Variants in GAS2L1 observed in about 807,000 individuals in gnomAD.
GAS2L1 encodes the protein growth arrest specific 2 like 1.
Under a neutral mutation model 44.0 loss-of-function variants are expected in GAS2L1, and 26 were observed. The observed-to-expected ratio is 0.59, with a 90% confidence interval of 0.43 to 0.82. The LOEUF is 0.82. Ranked by LOEUF, GAS2L1 falls within the 40% of genes least tolerant of loss-of-function variation. GAS2L1 has a pLI of 0.00. For missense variants in GAS2L1, 1,006 were observed against 983.0 expected, an observed-to-expected ratio of 1.02 and a Z score of -0.31; for synonymous variants, 426 against 415.9, an observed-to-expected ratio of 1.02 and a Z score of -0.30.
chr22:29,311,889 C>T, exon 5 of GAS2L1: 2 of 1,600,164 alleles, frequency 1.2e-6, no homozygotes, highest in Non-Finnish European at 1.7e-6. Flanking sequence ...TGCCCGCAGC[C>T]CTGCAGCACC....
At chr22:29,310,940 C>T in exon 4 of GAS2L1, 1 of 1,613,756 alleles carries the variant, frequency 6.2e-7, no homozygotes, top group Non-Finnish European at 8.5e-7. Flanking sequence ...GGGCTCCCGG[C>T]CTGAGATGAC....
rs2061419164 is a variant in GAS2L1 at position 29,312,348 on chromosome 22, C to CG, written c.1901dup (p.Arg635SerfsTer9). On this transcript the variant is annotated frameshift_variant, in exon 5 of 5. Transcript: ENST00000618518. LOFTEE classifies it high-confidence loss of function. ...CACTGAACCCTCGAGGACCTGGGCACGGGGTCGGATGGACACACAGCCAGA... is the reference window on the plus strand; with the variant it reads ...CACTGAACCCTCGAGGACCTGGGCACGGGGGTCGGATGGACACACAGCCAGA... The CG allele has an allele frequency of 6.2e-7, 1 of 1,604,420 alleles. No individual in the cohort carries two copies. Among genetic ancestry groups the CG allele is most frequent in the East Asian group, 2.2e-5 (1 of 44,608 alleles).
At chr22:29,312,192 G>A (rs747253789) in exon 5 of GAS2L1, 4 of 1,612,956 alleles carry the variant, frequency 2.5e-6, no homozygotes, top group Admixed American at 3.3e-5. Context: ...TGGCCAACCT[G>A]GGGACTCTGG....
At chr22:29,308,555 G>C in exon 1 of GAS2L1, 1 of 1,599,274 alleles carries the variant, frequency 6.3e-7, no homozygotes, top group Non-Finnish European at 8.5e-7. Context: ...GGGCACGCCT[G>C]GGCCTGCTGG....
exon 1 of GAS2L1, chr22:29,307,996 T>C (rs1451045971): frequency 5.8e-6 from 5 of 865,716 alleles, no homozygotes; most frequent in Non-Finnish European, 6.5e-6. Flanking sequence ...TTGGCCTGAG[T>C]GACAGACTGG....
chr22:29,311,519 C>A, exon 5 of GAS2L1: 1 of 1,536,368 alleles, frequency 6.5e-7, no homozygotes, highest in Non-Finnish European at 8.8e-7. Flanking sequence ...GGGACAGTGA[C>A]TCCTCAGCCT....
At chr22:29,311,912 G>T (rs1488011363) in exon 5 of GAS2L1, 1 of 1,602,718 alleles carries the variant, frequency 6.2e-7, no homozygotes, top group South Asian at 1.1e-5. Context: ...GGCTTTCCCG[G>T]GTCTCCAGCC....
At chr22:29,312,291 C>G in exon 5 of GAS2L1, 2 of 1,608,682 alleles carry the variant, frequency 1.2e-6, no homozygotes, top group South Asian at 1.1e-5. Context: ...CATGGGGGGG[C>G]CACTAGATGC....
chr22:29,312,453 C>T, exon 5 of GAS2L1: 1 of 1,522,230 alleles, frequency 6.6e-7, no homozygotes, highest in Non-Finnish European at 8.8e-7. Context: ...ATGGCATGCC[C>T]TGCACTCAGT....
chr22:29,308,491 T>A, exon 1 of GAS2L1: 2 of 1,609,124 alleles, frequency 1.2e-6, no homozygotes, highest in Middle Eastern at 1.7e-4. Flanking sequence ...GACCTGGTGC[T>A]GCGCAAGAAC....
chr22:29,311,006 G>A lies in GAS2L1; in HGVS notation c.1010+8G>A, dbSNP rs917597284. On this transcript the variant is annotated splice_region_variant and intron_variant, in intron 4 of 4. Coordinates refer to ENST00000618518, the Ensembl canonical transcript of GAS2L1. ...GCCCGAGACCCCACCCAGGTGAGATGCAGGAGGACGAGGAGTGAGGGGTCC... is the reference window on the plus strand; with the variant it reads ...GCCCGAGACCCCACCCAGGTGAGATACAGGAGGACGAGGAGTGAGGGGTCC... 4 of 1,608,926 alleles carry A rather than the reference G, an allele frequency of 2.5e-6. No individual in the cohort carries two copies. In the African/African-American group the frequency reaches 5.3e-5, roughly 21 times the overall value.
exon 1 of GAS2L1, chr22:29,308,104 G>A (rs776965514): frequency 1.3e-6 from 2 of 1,553,962 alleles, no homozygotes; most frequent in Admixed American, 3.6e-5. Flanking sequence ...GCCGGTCCGG[G>A]CATGGCAGAC....
Position 29,312,231 on chromosome 22 carries a change from C to G in GAS2L1, c.1780C>G (p.Arg594Gly), listed in dbSNP as rs574763262. The G allele has an allele frequency of 4.3e-6, 7 of 1,613,002 alleles. No individual in the cohort carries two copies. The African/African-American group carries it at 8.0e-5, about 18-fold the overall frequency. ...GACGGCCAATGGGCTGCCTGGGCCC[C>G]GAAGCCAAGCCCTTTCCAGCTCCTC... The change falls in exon 5 of 5, where the codon CGA becomes GGA. Residue 594 changes from arginine to glycine, a missense_variant. Arg to Gly is a moderately radical substitution (Grantham distance 125). Coordinates refer to ENST00000618518, the Ensembl canonical transcript of GAS2L1.
chr22:29,310,322 A>G (rs2061390010), intron 1 of GAS2L1, 117 bp from the exon 3 acceptor site: 2 of 671,996 alleles, frequency 3.0e-6, no homozygotes, highest in East Asian at 5.1e-5. Flanking sequence ...CCGGGGCAAC[A>G]CTGCCTCCAT....
chr22:29,310,088 C>G (rs531531959), intron 1 of GAS2L1, among the ~76,000 whole-genome samples: 41 of 151,784 alleles, frequency 2.7e-4, no homozygotes, highest in Non-Finnish European at 4.7e-4. Flanking sequence ...ACTAAAAATA[C>G]AAAATTAGCC....
chr22:29,307,000 G>T (rs1009981923), upstream of GAS2L1: 2 of 152,248 alleles, frequency 1.3e-5, no homozygotes, highest in Non-Finnish European at 2.9e-5. Context: ...GGCAGGATCC[G>T]AATTCCAGGG....
In GAS2L1 at chr22:29,311,605, G is replaced by T. The variant is rs770269420; in HGVS notation, c.1154G>T (p.Arg385Leu). ...GGCCCCCGGAGGGAGCGACCCAGCC[G>T]GCGGCTGACCACAGGCACCCCGGCC... Residue 385 changes from arginine to leucine, a missense_variant, in exon 5 of 5, where the codon CGG becomes CTG. Coordinates refer to ENST00000618518, the Ensembl canonical transcript of GAS2L1. The T allele has an allele frequency of 3.9e-6, 6 of 1,538,996 alleles. No homozygotes were observed. The South Asian group carries it at 7.1e-5, about 18-fold the overall frequency.
At chr22:29,309,201 A>G (rs1376064842) in intron 1 of GAS2L1, among the ~76,000 whole-genome samples, 1 of 152,198 alleles carries the variant, frequency 6.6e-6, no homozygotes, top group African/African-American at 2.4e-5. Flanking sequence ...GGTGCCTGGC[A>G]CACAGTAGGT....
In GAS2L1 at chr22:29,311,477, G is replaced by GC. The variant is rs1013370449; in HGVS notation, c.1033dup (p.His345ProfsTer12). 37 of 1,409,736 alleles carry GC rather than the reference G, an allele frequency of 2.6e-5. No individual in the cohort carries two copies. Among genetic ancestry groups the GC allele is most frequent in the Middle Eastern group, 2.1e-4 (1 of 4,674 alleles). 87.3% of individuals were successfully genotyped at this position (1,409,736 alleles called of 1,614,324 possible). Reference sequence around the variant, plus strand: ...CCTGCCCCAGGCCCCGGGATCAGCTGCCCCCCCATCCCCGCTCCCGCCGCT... The same window carrying GC: ...CCTGCCCCAGGCCCCGGGATCAGCTGCCCCCCCCATCCCCGCTCCCGCCGCT... On this transcript the variant is annotated frameshift_variant, in exon 5 of 5. Transcript: ENST00000618518. LOFTEE classifies it high-confidence loss of function.
Sources: allele counts gnomAD v4.1 joint callset (sites outside exome capture counted in the v4.1 genomes callset), GRCh38; gene constraint gnomAD v4.1.1; transcripts MANE v1.5; gene names NCBI Gene and HGNC (gene_info 2026-07-23, HGNC 2026-07-21).